RGS7: variants seen among roughly 807,000 people sequenced by gnomAD.
RGS7 encodes the protein regulator of G-protein signaling 7.
In RGS7, 27 loss-of-function variants were observed where a neutral mutation model predicts 81.1. The ratio of observed to expected loss-of-function variants is 0.33; its 90% CI spans 0.25 to 0.46. RGS7 has a LOEUF of 0.46. Among genes scored for constraint, RGS7 ranks in the 20% least tolerant of loss-of-function variants. RGS7 has a pLI of 1.00. For synonymous variants in RGS7, 208 were observed against 207.7 expected (o/e 1.00, Z -0.01); for missense variants, 396 against 607.4 (o/e 0.65, Z 3.66).
chr1:241,016,649 G>A (rs1300045972), intron 3 of RGS7, among the ~76,000 whole-genome samples: 3 of 152,022 alleles, frequency 2.0e-5, no homozygotes, highest in Non-Finnish European at 2.9e-5. Flanking sequence ...ATCAATTTAG[G>A]GAGAGACCTG....
chr1:241,028,029 G>A (rs147433202), intron 3 of RGS7, among the ~76,000 whole-genome samples: 3 of 152,298 alleles, frequency 2.0e-5, no homozygotes, highest in Admixed American at 1.3e-4. Flanking sequence ...GGAGAGAAAC[G>A]TGTATCAGCT....
intron 2 of RGS7, among the ~76,000 whole-genome samples, chr1:241,120,842 G>T (rs2066203066): frequency 6.6e-6 from 1 of 152,140 alleles, no homozygotes; most frequent in Non-Finnish European, 1.5e-5. Flanking sequence ...GGTGTCCACA[G>T]TTTAAGAAAT....
intron 3 of RGS7, among the ~76,000 whole-genome samples, chr1:241,078,115 T>C (rs952031087): frequency 2.7e-5 from 4 of 149,178 alleles, no homozygotes; most frequent in African/African-American, 4.9e-5. Flanking sequence ...TGTGCTTCTA[T>C]GGAATCAAAT....
At position 241,220,985 on chromosome 1, in the gene RGS7, GGAAGGAAGGA is replaced by G. The variant is rs1558203150; in HGVS notation, c.79-122233_79-122224del. On this transcript the variant is annotated intron_variant, in intron 2 of 18. Coordinates refer to ENST00000440928, the MANE Select transcript of RGS7 (RefSeq NM_001364886.1). ...AGGAAGGAAGGAAGGAAGGAAGGAAGGAAGGAAGGAAGAGAGAGAGAAAGGAAGGAAGGAA... is the reference window on the plus strand; with the variant it reads ...AGGAAGGAAGGAAGGAAGGAAGGAAGAGAGAGAGAGAAAGGAAGGAAGGAA... Among the ~76,000 whole-genome samples, 215 of 52,980 alleles carry G rather than the reference GGAAGGAAGGA, an allele frequency of 4.1e-3. 2 individuals are homozygous for G. Among genetic ancestry groups the G allele is most frequent in the Middle Eastern group, 0.017 (2 of 118 alleles). The allele number at this position is 52,980 out of a possible 152,430, so 34.8% of individuals were successfully genotyped here. A position where few individuals can be genotyped will look rare whatever the true frequency, so the allele number is the denominator to read the frequency against.
intron 3 of RGS7, among the ~76,000 whole-genome samples, chr1:240,988,608 C>T (rs901934779): frequency 4.6e-5 from 7 of 152,118 alleles, no homozygotes; most frequent in Non-Finnish European, 1.0e-4. Context: ...GTACTTGTGT[C>T]CTGTCCAGAG....
chr1:241,230,748 A>C (rs1178520140), intron 2 of RGS7, among the ~76,000 whole-genome samples: 2 of 152,184 alleles, frequency 1.3e-5, no homozygotes, highest in South Asian at 4.1e-4. Context: ...CTGTCCTAGG[A>C]CCGTGAGTAC....
chr1:241,129,266 AAC>A, intron 2 of RGS7, among the ~76,000 whole-genome samples: 1 of 151,868 alleles, frequency 6.6e-6, no homozygotes, highest in Non-Finnish European at 1.5e-5. Context: ...CAAACAAACA[AAC>A]AAAAAAAAAA....
At chr1:241,014,761 A>AT (rs1372227080) in intron 3 of RGS7, among the ~76,000 whole-genome samples, 1 of 152,274 alleles carries the variant, frequency 6.6e-6, no homozygotes, top group African/African-American at 2.4e-5. Flanking sequence ...AAGTTTCCAT[A>AT]TAAGTGGTAG....
chr1:240,921,386 C>T (rs1324945271), intron 6 of RGS7, among the ~76,000 whole-genome samples: 1 of 151,772 alleles, frequency 6.6e-6, no homozygotes, highest in Non-Finnish European at 1.5e-5. Flanking sequence ...AAGAATGTCC[C>T]CTCTCGCTAC....
chr1:241,105,541 G>A (rs1423737809), intron 2 of RGS7, among the ~76,000 whole-genome samples: 1 of 152,206 alleles, frequency 6.6e-6, no homozygotes. Context: ...TTCAAGAGGG[G>A]CTGCCAGACA....
intron 2 of RGS7, among the ~76,000 whole-genome samples, chr1:241,208,352 C>T (rs902803943): frequency 6.6e-5 from 10 of 152,102 alleles, no homozygotes; most frequent in African/African-American, 2.4e-4. Context: ...CTTAGTAATG[C>T]ACAGGGACAG....
chr1:241,312,940 G>A (rs567004108), intron 2 of RGS7, among the ~76,000 whole-genome samples: 188 of 152,210 alleles, frequency 1.2e-3, no homozygotes, highest in Non-Finnish European at 1.8e-3. Flanking sequence ...AGAGTGAAAC[G>A]GCCTTATTGC....
intron 6 of RGS7, among the ~76,000 whole-genome samples, chr1:240,889,998 C>T (rs751401038): frequency 6.6e-6 from 1 of 152,172 alleles, no homozygotes; most frequent in Non-Finnish European, 1.5e-5. Flanking sequence ...CCTTTTGTTT[C>T]TTCACTCCTC....
Position 241,099,616 on chromosome 1 carries a change from C to T in RGS7, c.79-854G>A, listed in dbSNP as rs534635199. ...CAATGTGGAATTTAGTTTTGAAGAACATTCATTCATTCAAATCATAGCCAC... is the reference window on the plus strand; with the variant it reads ...CAATGTGGAATTTAGTTTTGAAGAATATTCATTCATTCAAATCATAGCCAC... On this transcript the variant is annotated intron_variant, in intron 2 of 18. Coordinates refer to ENST00000440928, the MANE Select transcript of RGS7 (RefSeq NM_001364886.1). Among the ~76,000 whole-genome samples the T allele has an allele frequency of 3.5e-4, 53 of 152,292 alleles. No homozygotes were observed. In the South Asian group the frequency reaches 0.011, roughly 31 times the overall value.
chr1:240,957,806 T>C (rs1192513279), intron 4 of RGS7, among the ~76,000 whole-genome samples: 2 of 152,210 alleles, frequency 1.3e-5, no homozygotes, highest in East Asian at 3.8e-4. Context: ...TTTGTGATTT[T>C]TCTGTAAATC....
chr1:240,965,415 C>G (rs1236021323), intron 4 of RGS7, among the ~76,000 whole-genome samples: 1 of 152,192 alleles, frequency 6.6e-6, no homozygotes, highest in Non-Finnish European at 1.5e-5. Flanking sequence ...GGTAAAATGC[C>G]TCACCTTCCA....
intron 3 of RGS7, among the ~76,000 whole-genome samples, chr1:241,020,853 T>C (rs765846055): frequency 7.2e-5 from 11 of 152,232 alleles, no homozygotes; most frequent in Non-Finnish European, 1.5e-4. Context: ...ATCTACTGTA[T>C]CAACTTACTG....
intron 2 of RGS7, among the ~76,000 whole-genome samples, chr1:241,103,707 TA>T (rs111453986): frequency 4.0e-5 from 6 of 150,660 alleles, no homozygotes; most frequent in East Asian, 2.0e-4. Context: ...CTCTATCTCT[TA>T]AAAAAAAATA....
intron 2 of RGS7, among the ~76,000 whole-genome samples, chr1:241,321,985 A>C (rs1280732908): frequency 1.3e-5 from 2 of 152,116 alleles, no homozygotes; most frequent in African/African-American, 4.8e-5. Flanking sequence ...TTGTTCTCTG[A>C]GCATTCAGAG....
Sources: gnomAD v4.1 joint callset for allele counts (sites outside exome capture counted in the v4.1 genomes callset) on GRCh38, gnomAD v4.1.1 for gene constraint, MANE v1.5 for transcripts, NCBI Gene and HGNC (gene_info 2026-07-23, HGNC 2026-07-21) for gene names.